Variants in ABHD13 observed in about 807,000 individuals in gnomAD.
The protein encoded by ABHD13 is abhydrolase domain containing 13.
In ABHD13, 7 loss-of-function variants were observed where a neutral mutation model predicts 25.2. The observed-to-expected ratio is 0.28, with a 90% confidence interval of 0.16 to 0.52. The LOEUF (loss-of-function observed/expected upper bound fraction) is 0.52. Among genes scored for constraint, ABHD13 ranks in the 20% least tolerant of loss-of-function variants. ABHD13 has a pLI of 0.96. For synonymous variants in ABHD13, 133 were observed against 136.1 expected (o/e 0.98, Z 0.16); for missense variants, 302 against 402.7 (o/e 0.75, Z 2.14).
chr13:108,225,345 G>A (rs980203575), intron 1 of ABHD13, among the ~76,000 whole-genome samples: 1 of 152,074 alleles, frequency 6.6e-6, no homozygotes, highest in Non-Finnish European at 1.5e-5. Context: ...TGTGATAATT[G>A]GAGCCATGAA....
chr13:108,220,517 T>C (rs894992781), intron 1 of ABHD13, among the ~76,000 whole-genome samples: 3 of 152,264 alleles, frequency 2.0e-5, no homozygotes, highest in Non-Finnish European at 4.4e-5. Flanking sequence ...AGGAAAGTCT[T>C]AAGACCTTTA....
chr13:108,228,947 A>C (rs1313854254), intron 1 of ABHD13, among the ~76,000 whole-genome samples: 1 of 151,948 alleles, frequency 6.6e-6, no homozygotes, highest in Non-Finnish European at 1.5e-5. Context: ...AAGAATAAGC[A>C]CTTGTTAAAA....
At chr13:108,224,278 A>G (rs933541320) in intron 1 of ABHD13, among the ~76,000 whole-genome samples, 2 of 152,218 alleles carry the variant, frequency 1.3e-5, no homozygotes, top group Non-Finnish European at 2.9e-5. Context: ...TACTGAGTAG[A>G]TCACAAGCTA....
In ABHD13 at chr13:108,231,149, G is replaced by T. The variant is rs1045673613; in HGVS notation, c.*917G>T. The T allele has an allele frequency of 1.8e-5, 3 of 166,566 alleles. No homozygotes were observed. Among genetic ancestry groups the T allele is most frequent in the Non-Finnish European group, 2.9e-5 (2 of 67,918 alleles). The allele number at this position is 166,566 out of a possible 1,614,324, so 10.3% of individuals were successfully genotyped here. A position where few individuals can be genotyped will look rare whatever the true frequency, so the allele number is the denominator to read the frequency against. ...AATTAGGAAGTCTTTTATCATTGCA[G>T]GATTGTACATACTACTTTATAAAAA... On this transcript the variant is annotated 3_prime_UTR_variant, in exon 2 of 2. Coordinates refer to ENST00000375898, the MANE Select transcript of ABHD13 (RefSeq NM_032859.3).
At position 108,218,474 on chromosome 13, in the gene ABHD13, C is replaced by A. The variant is rs898141370; in HGVS notation, c.-206C>A. 1.3e-5 allele frequency: 2 copies of A among 152,244 alleles called. No homozygotes were observed. The highest frequency in any genetic ancestry group is 2.9e-5 in the Non-Finnish European group (2 of 68,124). The allele number at this position is 152,244 out of a possible 1,614,324, so 9.4% of individuals were successfully genotyped here. A position where few individuals can be genotyped will look rare whatever the true frequency, so the allele number is the denominator to read the frequency against. On this transcript the variant is annotated 5_prime_UTR_variant, in exon 1 of 2. Coordinates refer to ENST00000375898, the MANE Select transcript of ABHD13 (RefSeq NM_032859.3). ...CGGCGGGGGCATTTGCCGGCGACACCCGAGCGGGGGCCGGAAGTGGGGCCA... is the reference window on the plus strand; with the variant it reads ...CGGCGGGGGCATTTGCCGGCGACACACGAGCGGGGGCCGGAAGTGGGGCCA...
Position 108,230,364 on chromosome 13 carries a change from T to A in ABHD13, c.*132T>A. 1.4e-6 allele frequency: 1 copy of A among 715,142 alleles called. No homozygotes were observed. Among genetic ancestry groups the A allele is most frequent in the Non-Finnish European group, 2.2e-6 (1 of 449,012 alleles). The allele number at this position is 715,142 out of a possible 1,614,324, so 44.3% of individuals were successfully genotyped here. Reference sequence around the variant, plus strand: ...AACTTTGAAAGGACTTCACTGCTCCTTTACGATATTCCAAATAGTTTTTTA... The same window carrying A: ...AACTTTGAAAGGACTTCACTGCTCCATTACGATATTCCAAATAGTTTTTTA... On this transcript the variant is annotated 3_prime_UTR_variant, in exon 2 of 2. Transcript: ENST00000375898.
Position 108,233,597 on chromosome 13 carries a change from T to G in ABHD13, c.*3365T>G, listed in dbSNP as rs968114604. 11 of 166,890 alleles carry G rather than the reference T, an allele frequency of 6.6e-5. No homozygotes were observed. Among genetic ancestry groups the G allele is most frequent in the Admixed American group, 4.6e-4 (7 of 15,256 alleles). The allele number at this position is 166,890 out of a possible 1,614,324, so 10.3% of individuals were successfully genotyped here. A position where few individuals can be genotyped will look rare whatever the true frequency, so the allele number is the denominator to read the frequency against. On this transcript the variant is annotated 3_prime_UTR_variant, in exon 2 of 2. Coordinates refer to ENST00000375898, the MANE Select transcript of ABHD13 (RefSeq NM_032859.3). ...TTTGGGTTATCCACTTAAATTTAGG[T>G]ATTTTCATATTACTCAGGTAAAGAT... is the stretch of plus-strand genomic sequence containing the variant.
At chr13:108,226,748 G>A (rs1879682141) in intron 1 of ABHD13, among the ~76,000 whole-genome samples, 2 of 152,092 alleles carry the variant, frequency 1.3e-5, no homozygotes, top group Admixed American at 1.3e-4. Context: ...TGGTAATTAT[G>A]CTTTGCTGAT....
At chr13:108,218,720 G>C (rs1795282691) in intron 1 of ABHD13, 61 bp downstream of exon 1, 1 of 151,424 alleles carries the variant, frequency 6.6e-6, no homozygotes, top group African/African-American at 2.4e-5. Context: ...CTCCTTCTAG[G>C]AGGGTCGCGG....
At chr13:108,218,695 C>T (rs563586347) in intron 1 of ABHD13, 36 bp downstream of exon 1, 23 of 151,730 alleles carry the variant, frequency 1.5e-4, no homozygotes, top group African/African-American at 5.3e-4. Context: ...CCCGCGGGGC[C>T]CGAGCGCCGG....
intron 1 of ABHD13, among the ~76,000 whole-genome samples, chr13:108,222,689 A>G (rs1879593305): frequency 6.6e-6 from 1 of 152,220 alleles, no homozygotes; most frequent in Non-Finnish European, 1.5e-5. Context: ...CTGGAAGTTT[A>G]TAAAGTGTAT....
At position 108,230,497 on chromosome 13, in the gene ABHD13, T is replaced by C. The variant is rs138436641; in HGVS notation, c.*265T>C. 7.5e-5 allele frequency: 21 copies of C among 278,226 alleles called. No individual in the cohort carries two copies. The East Asian group carries it at 1.5e-3, about 21-fold the overall frequency. 17.2% of individuals were successfully genotyped at this position (278,226 alleles called of 1,614,324 possible). ...TAATATGTCAGTATAATAGATATTG[T>C]TCAAAAGTTTCTTGTTGCTAAAGTG... On this transcript the variant is annotated 3_prime_UTR_variant, in exon 2 of 2. Transcript: ENST00000375898.
chr13:108,228,260 A>T (rs1879715121), intron 1 of ABHD13, among the ~76,000 whole-genome samples: 1 of 151,586 alleles, frequency 6.6e-6, no homozygotes, highest in South Asian at 2.1e-4. Context: ...TTCTCCAGTG[A>T]GTCATTTTAC....
Position 108,231,981 on chromosome 13 carries a change from TGTCA to T in ABHD13, c.*1753_*1756del, listed in dbSNP as rs1399713882. 1.8e-5 allele frequency: 3 copies of T among 166,878 alleles called. No individual in the cohort carries two copies. The highest frequency in any genetic ancestry group is 2.1e-4 in the South Asian group (1 of 4,830). 10.3% of individuals were successfully genotyped at this position (166,878 alleles called of 1,614,324 possible). A position where few individuals can be genotyped will look rare whatever the true frequency, so the allele number is the denominator to read the frequency against. On this transcript the variant is annotated 3_prime_UTR_variant, in exon 2 of 2. Coordinates refer to ENST00000375898, the MANE Select transcript of ABHD13 (RefSeq NM_032859.3). ...ATTCACCACAATTAAAGATTATTCT[TGTCA>T]GTCCTTGCTATGTAGAATGACTATT...
chr13:108,228,802 C>G (rs533974818), intron 1 of ABHD13, among the ~76,000 whole-genome samples: 4 of 151,762 alleles, frequency 2.6e-5, no homozygotes, highest in Admixed American at 1.3e-4. Context: ...TGTTTGCCTC[C>G]CAGCTCTTCT....
At chr13:108,225,419 A>G (rs1165203479) in intron 1 of ABHD13, among the ~76,000 whole-genome samples, 2 of 152,174 alleles carry the variant, frequency 1.3e-5, no homozygotes, top group Admixed American at 1.3e-4. Flanking sequence ...ACCTTGGAAA[A>G]TGCCTGCTTT....
rs1347180095 is a variant in ABHD13 at position 108,220,513 on chromosome 13, G to T, written c.-21+1854G>T. 3.3e-5 allele frequency among the ~76,000 whole-genome samples: 5 copies of T among 152,302 alleles called. No individual in the cohort carries two copies. In the East Asian group the frequency reaches 5.8e-4, roughly 18 times the overall value. On this transcript the variant is annotated intron_variant, in intron 1 of 1. Coordinates refer to ENST00000375898, the MANE Select transcript of ABHD13 (RefSeq NM_032859.3). ...ATCCTTGTTTAGTTGCCCCAGGAAA[G>T]TCTTAAGACCTTTAAATAGCCTTTT...
intron 1 of ABHD13, among the ~76,000 whole-genome samples, chr13:108,223,225 A>G (rs1318888731): frequency 1.3e-5 from 2 of 152,224 alleles, no homozygotes; most frequent in African/African-American, 2.4e-5. Flanking sequence ...CCACAGTGCC[A>G]TCAAAAAGGT....
intron 1 of ABHD13, among the ~76,000 whole-genome samples, chr13:108,223,992 C>G (rs1323500133): frequency 6.6e-6 from 1 of 152,284 alleles, no homozygotes; most frequent in African/African-American, 2.4e-5. Flanking sequence ...ATTCTTAATC[C>G]TGGAGTTATG....
Sources: gnomAD v4.1 joint callset for allele counts (sites outside exome capture counted in the v4.1 genomes callset) on GRCh38, gnomAD v4.1.1 for gene constraint, MANE v1.5 for transcripts, NCBI Gene and HGNC (gene_info 2026-07-23, HGNC 2026-07-21) for gene names.